RIMBP2: variants seen among roughly 807,000 people sequenced by gnomAD.
The protein encoded by RIMBP2 is RIMS-binding protein 2.
A neutral mutation model predicts 118.6 loss-of-function variants in RIMBP2; 48 were observed. The ratio of observed to expected loss-of-function variants is 0.40; its 90% confidence interval spans 0.32 to 0.51. RIMBP2 has a LOEUF of 0.51. Ranked by LOEUF, RIMBP2 falls within the 20% of genes least tolerant of loss-of-function variation. The pLI is 0.41. For missense variants in RIMBP2, 1,551 were observed against 1,768.3 expected (o/e 0.88, Z 2.20); for synonymous variants, 762 against 742.9 (o/e 1.03, Z -0.42).
chr12:130,696,598 C>T (rs1157460834), intron 1 of RIMBP2, among the ~76,000 whole-genome samples: 2 of 152,222 alleles, frequency 1.3e-5, no homozygotes, highest in African/African-American at 4.8e-5. Context: ...CAGAGGTTCA[C>T]AAAGCGATCA....
chr12:130,399,147 A>G, intron 22 of RIMBP2: 1 of 1,399,218 alleles, frequency 7.1e-7, no homozygotes, highest in Non-Finnish European at 9.3e-7. Context: ...AAGGTGTGAA[A>G]TGAACACTCT....
intron 2 of RIMBP2, among the ~76,000 whole-genome samples, chr12:130,615,044 T>A (rs1397996025): frequency 6.7e-6 from 1 of 148,710 alleles, no homozygotes; most frequent in Non-Finnish European, 1.5e-5. Context: ...TGTGTATGTG[T>A]ATAAATACAC....
At chr12:130,632,973 G>A (rs1374891010) in intron 1 of RIMBP2, among the ~76,000 whole-genome samples, 2 of 152,134 alleles carry the variant, frequency 1.3e-5, no homozygotes, top group Admixed American at 6.6e-5. Flanking sequence ...CTTCCTCACG[G>A]AGCACAGGAT....
rs112525517 is a variant in RIMBP2 at position 130,683,705 on chromosome 12, T to A, written c.-352+32517A>T. Reference sequence around the variant, plus strand: ...CCACAAGAGTGATCTCTGGTCATCCTCATTGCTACACTCCCACCAGCACTA... The same window carrying A: ...CCACAAGAGTGATCTCTGGTCATCCACATTGCTACACTCCCACCAGCACTA... On this transcript the variant is annotated intron_variant, in intron 1 of 22. Coordinates refer to ENST00000690449, the MANE Select transcript of RIMBP2 (RefSeq NM_001393629.1). The surrounding 1 kb of genome is among the most constrained non-coding windows in gnomAD (Gnocchi z 4.4). 4.4e-3 allele frequency among the ~76,000 whole-genome samples: 675 copies of A among 152,266 alleles called. 6 individuals carry two copies. Among genetic ancestry groups the A allele is most frequent in the African/African-American group, 0.016 (648 of 41,568 alleles).
intron 2 of RIMBP2, among the ~76,000 whole-genome samples, chr12:130,532,008 T>C (rs2053451604): frequency 1.2e-5 from 1 of 84,128 alleles, no homozygotes. Flanking sequence ...GAGATGCGTA[T>C]GTTTAGCCTC....
intron 6 of RIMBP2, among the ~76,000 whole-genome samples, chr12:130,461,088 C>T (rs2079944525): frequency 6.6e-6 from 1 of 152,184 alleles, no homozygotes; most frequent in African/African-American, 2.4e-5. Context: ...TACTTCCTGC[C>T]AGGCTCCACC....
chr12:130,490,320 G>A (rs4759701), intron 4 of RIMBP2, among the ~76,000 whole-genome samples: 28,542 of 151,772 alleles, frequency 0.19, 3,701 homozygotes, highest in Non-Finnish European at 0.28. Flanking sequence ...AAATAAATCT[G>A]TCCAGGAAAA....
chr12:130,563,597 G>A (rs545788686), intron 2 of RIMBP2, among the ~76,000 whole-genome samples: 47 of 152,304 alleles, frequency 3.1e-4, no homozygotes, highest in Non-Finnish European at 3.4e-4. Context: ...CCTTTGAAGG[G>A]ATAAACAAAT....
intron 2 of RIMBP2, among the ~76,000 whole-genome samples, chr12:130,582,733 G>C (rs1019962988): frequency 4.1e-4 from 62 of 152,346 alleles, no homozygotes; most frequent in Admixed American, 7.8e-4. Flanking sequence ...AGAAACTGGA[G>C]GAGGGGCCCA....
chr12:130,509,201 T>C (rs1039040139), intron 3 of RIMBP2, among the ~76,000 whole-genome samples: 1 of 152,238 alleles, frequency 6.6e-6, no homozygotes, highest in Non-Finnish European at 1.5e-5. Flanking sequence ...TTACCACATC[T>C]AGGCCACTTG....
rs957704271 is a variant in RIMBP2, at chr12:130,450,464, G to A, written c.505-188C>T. ...AGCTTGGAAAGGAGGGTGGTCCCTC[G>A]GTGTGGACCCCTTATTACATAGGCC... On this transcript the variant is annotated intron_variant, in intron 8 of 22. Transcript: ENST00000690449. The surrounding 1 kb of genome is among the most constrained non-coding windows in gnomAD (Gnocchi z 4.8). Among the ~76,000 whole-genome samples the A allele has an allele frequency of 2.6e-5, 4 of 151,862 alleles. No homozygotes were observed. The highest frequency in any genetic ancestry group is 4.4e-5 in the Non-Finnish European group (3 of 67,990).
chr12:130,496,999 C>T (rs1366346770), intron 4 of RIMBP2, among the ~76,000 whole-genome samples: 3 of 152,140 alleles, frequency 2.0e-5, no homozygotes, highest in African/African-American at 7.2e-5. Flanking sequence ...ATGTACCCTC[C>T]GAAAGCTCCA....
intron 2 of RIMBP2, among the ~76,000 whole-genome samples, chr12:130,624,911 G>T (rs1349339530): frequency 1.3e-5 from 2 of 152,114 alleles, no homozygotes. Context: ...TTTTAGTAGA[G>T]CCAGGGTTTC....
At position 130,576,868 on chromosome 12, in the gene RIMBP2, T is replaced by G. The variant is rs1290503184; in HGVS notation, c.-217+51454A>C. Among the ~76,000 whole-genome samples the G allele has an allele frequency of 6.6e-6, 1 of 152,136 alleles. No homozygotes were observed. The highest frequency in any genetic ancestry group is 1.5e-5 in the Non-Finnish European group (1 of 68,030). ...CAGTGCCTGGGAGCAAATATCTCCA[T>G]GTAGAAAGAGACCGACAGTGTGGCA... On this transcript the variant is annotated intron_variant, in intron 2 of 22. Transcript: ENST00000690449. This position sits in a 1 kb window ranked among gnomAD's most constrained non-coding sequence, Gnocchi z 4.2.
chr12:130,477,144 G>A lies in RIMBP2; in HGVS notation c.102+1768C>T, dbSNP rs1223084567. Among the ~76,000 whole-genome samples the A allele has an allele frequency of 2.4e-4, 37 of 152,214 alleles. 1 individual carries two copies. Among genetic ancestry groups the A allele is most frequent in the Admixed American group, 2.4e-3 (37 of 15,284 alleles). ...GAAGCATCAGTGTGTCCAAAACAGA[G>A]ACAATGGTGAGTGCGGGGGGATAAA... is the stretch of plus-strand genomic sequence containing the variant. On this transcript the variant is annotated intron_variant, in intron 5 of 22. Transcript: ENST00000690449.
At chr12:130,459,051 A>C (rs796796697) in intron 6 of RIMBP2, among the ~76,000 whole-genome samples, 3 of 74,092 alleles carry the variant, frequency 4.0e-5, no homozygotes, top group Admixed American at 1.5e-4. Context: ...TCTCAAAAAA[A>C]AAAAAAAACA....
intron 4 of RIMBP2, among the ~76,000 whole-genome samples, chr12:130,488,694 C>T (rs557677958): frequency 6.6e-6 from 1 of 151,418 alleles, no homozygotes; most frequent in South Asian, 2.1e-4. Flanking sequence ...CTCCTCCATT[C>T]CCCTCCCACT....
chr12:130,522,563 T>A (rs542965436), intron 2 of RIMBP2, among the ~76,000 whole-genome samples: 11 of 152,202 alleles, frequency 7.2e-5, no homozygotes, highest in Non-Finnish European at 1.2e-4. Flanking sequence ...ATGGGCTCCT[T>A]CCCAAAATAG....
rs144395131 is a variant in RIMBP2, at chr12:130,412,864, T to C, written c.3421-77A>G. 6.9e-5 allele frequency: 92 copies of C among 1,340,254 alleles called. No homozygotes were observed. In the East Asian group the frequency reaches 1.5e-3, roughly 21 times the overall value. 83.0% of individuals were successfully genotyped at this position (1,340,254 alleles called of 1,614,324 possible). The stretch of plus-strand genomic sequence containing the variant: ...ATACAATAGTCCCACTGACGGTAAG[T>C]GAGTGTAGTCGAAAATATATTTTAA... On this transcript the variant is annotated intron_variant, in intron 18 of 22. Transcript: ENST00000690449.
Sources: allele counts gnomAD v4.1 joint callset (sites outside exome capture counted in the v4.1 genomes callset), GRCh38; gene constraint gnomAD v4.1.1; non-coding constraint Gnocchi (gnomAD v3.1); transcripts MANE v1.5; gene names NCBI Gene and HGNC (gene_info 2026-07-23, HGNC 2026-07-21).